The following UNC5C variants were observed in gnomAD, a reference collection of about 807,000 sequenced individuals.
The protein encoded by UNC5C is netrin receptor UNC5C.
UNC5C carries 47 observed loss-of-function variants against 99.8 expected under a neutral mutation model. The observed-to-expected ratio is 0.47, with a 90% CI of 0.37 to 0.60. The LOEUF is 0.60. UNC5C is among the 20% of genes least tolerant of loss of function. UNC5C has a pLI of 0.00. For missense variants in UNC5C, 1,062 were observed against 1,165.9 expected, an observed-to-expected ratio of 0.91 and a Z score of 1.30; for synonymous variants, 487 against 452.2, an observed-to-expected ratio of 1.08 and a Z score of -0.98.
intron 10 of UNC5C, among the ~76,000 whole-genome samples, chr4:95,210,303 CA>C (rs941429718): frequency 1.3e-5 from 2 of 152,090 alleles, no homozygotes; most frequent in Non-Finnish European, 2.9e-5. Context: ...GAATGAAAAA[CA>C]AAGAAGAAAT....
At position 95,169,102 on chromosome 4, in the gene UNC5C, C is replaced by T. The variant is rs528795764; in HGVS notation, c.*132G>A. 7 of 1,146,530 alleles carry T rather than the reference C, an allele frequency of 6.1e-6. No homozygotes were observed. In the South Asian group the frequency reaches 9.3e-5, roughly 15 times the overall value. 71.0% of individuals were successfully genotyped at this position (1,146,530 alleles called of 1,614,324 possible). Reference sequence around the variant, plus strand: ...ATGGGCAGTTGTATCTGTTTTCCTTCTGGCTCCTGCTGCAGTCTTGCCTGT... The same window carrying T: ...ATGGGCAGTTGTATCTGTTTTCCTTTTGGCTCCTGCTGCAGTCTTGCCTGT... On this transcript the variant is annotated 3_prime_UTR_variant, in exon 16 of 16. Transcript: ENST00000453304.
At chr4:95,349,386 C>CA (rs1743903231) in intron 1 of UNC5C, among the ~76,000 whole-genome samples, 1 of 124,336 alleles carries the variant, frequency 8.0e-6, no homozygotes. Flanking sequence ...ACACACACAC[C>CA]CACACACACA....
At chr4:95,177,365 A>C (rs1736407238) in intron 14 of UNC5C, among the ~76,000 whole-genome samples, 1 of 151,924 alleles carries the variant, frequency 6.6e-6, no homozygotes, top group Admixed American at 6.6e-5. Flanking sequence ...GTTCCTGCTG[A>C]GTGCTCAGCT....
chr4:95,461,304 G>GCTGATTAATAGAATT lies in UNC5C; in HGVS notation c.124+87429_124+87430insAATTCTATTAATCAG, dbSNP rs1553975792. Among the ~76,000 whole-genome samples the GCTGATTAATAGAATT allele has an allele frequency of 2.2e-4, 22 of 97,996 alleles. 2 individuals carry two copies. The highest frequency in any genetic ancestry group is 0.011 in the Middle Eastern group (2 of 178). The allele number at this position is 97,996 out of a possible 152,430, so 64.3% of individuals were successfully genotyped here. On this transcript the variant is annotated intron_variant, in intron 1 of 15. Transcript: ENST00000453304. ...ATGTGATACAGTCCTTTTCCAACATGAAGCACAAGGCAAGAGCAAGTTGAA... is the reference window on the plus strand; with the variant it reads ...ATGTGATACAGTCCTTTTCCAACATGCTGATTAATAGAATTAAGCACAAGGCAAGAGCAAGTTGAA...
intron 2 of UNC5C, among the ~76,000 whole-genome samples, chr4:95,320,914 A>C (rs1742664332): frequency 6.6e-6 from 1 of 152,228 alleles, no homozygotes. Context: ...CTAAGTGTTA[A>C]TTGGCAGGGG....
chr4:95,465,106 G>A (rs1038447649), intron 1 of UNC5C, among the ~76,000 whole-genome samples: 2 of 152,150 alleles, frequency 1.3e-5, no homozygotes, highest in African/African-American at 2.4e-5. Context: ...TCACTAAGGC[G>A]CATCGTTCCA....
intron 1 of UNC5C, among the ~76,000 whole-genome samples, chr4:95,407,381 G>A (rs1382652028): frequency 6.6e-6 from 1 of 151,968 alleles, no homozygotes; most frequent in Non-Finnish European, 1.5e-5. Context: ...CAAGCGGGAG[G>A]GTGTACAGTA....
intron 1 of UNC5C, among the ~76,000 whole-genome samples, chr4:95,377,699 T>C (rs967781850): frequency 6.6e-6 from 1 of 152,088 alleles, no homozygotes; most frequent in Non-Finnish European, 1.5e-5. Flanking sequence ...AAGAGGACTT[T>C]GTGAGGAGTG....
intron 1 of UNC5C, among the ~76,000 whole-genome samples, chr4:95,441,225 TTG>T (rs1469647609): frequency 6.6e-6 from 1 of 152,204 alleles, no homozygotes; most frequent in Non-Finnish European, 1.5e-5. Flanking sequence ...ACTTCTGCTT[TTG>T]TGTCATGTTT....
At chr4:95,321,710 A>G (rs1014152092) in intron 2 of UNC5C, among the ~76,000 whole-genome samples, 1 of 152,200 alleles carries the variant, frequency 6.6e-6, no homozygotes, top group Non-Finnish European at 1.5e-5. Context: ...GCATCTATTT[A>G]TTGCACAGAT....
At chr4:95,228,462 T>C (rs967938175) in intron 7 of UNC5C, among the ~76,000 whole-genome samples, 1 of 152,216 alleles carries the variant, frequency 6.6e-6, no homozygotes, top group Non-Finnish European at 1.5e-5. Flanking sequence ...AAGTCTATGT[T>C]CTCACAAACT....
chr4:95,409,138 C>T (rs1422812389), intron 1 of UNC5C, among the ~76,000 whole-genome samples: 1 of 152,204 alleles, frequency 6.6e-6, no homozygotes. Flanking sequence ...TTTGCAAGAA[C>T]TTTCCTATCT....
intron 1 of UNC5C, among the ~76,000 whole-genome samples, chr4:95,425,593 G>GCCAC (rs529162539): frequency 6.6e-6 from 1 of 152,334 alleles, no homozygotes; most frequent in East Asian, 1.9e-4. Flanking sequence ...ACAGGCGTGA[G>GCCAC]CCACCGCGCC....
intron 4 of UNC5C, among the ~76,000 whole-genome samples, chr4:95,271,258 C>T (rs1460727865): frequency 1.3e-5 from 2 of 150,654 alleles, no homozygotes; most frequent in African/African-American, 4.9e-5. Flanking sequence ...GACGGAGTCT[C>T]GCTCTGTCGC....
At chr4:95,179,702 G>T (rs530423458) in intron 14 of UNC5C, among the ~76,000 whole-genome samples, 228 of 146,490 alleles carry the variant, frequency 1.6e-3, no homozygotes, top group African/African-American at 5.5e-3. Flanking sequence ...AGCTGAAGTC[G>T]TGCCACTGCA....
intron 1 of UNC5C, among the ~76,000 whole-genome samples, chr4:95,529,032 T>G (rs938488796): frequency 3.4e-4 from 51 of 152,072 alleles, no homozygotes; most frequent in Non-Finnish European, 1.8e-4. Flanking sequence ...TTTTATTCAT[T>G]TTTTTCATAT....
chr4:95,311,661 T>A (rs567363855), intron 2 of UNC5C, among the ~76,000 whole-genome samples: 95 of 152,212 alleles, frequency 6.2e-4, no homozygotes, highest in Non-Finnish European at 1.1e-3. Flanking sequence ...ATTAGTCTTG[T>A]CCAGTCATTC....
intron 10 of UNC5C, among the ~76,000 whole-genome samples, chr4:95,213,717 T>A (rs773944368): frequency 6.6e-6 from 1 of 152,094 alleles, no homozygotes; most frequent in Non-Finnish European, 1.5e-5. Context: ...TGGAGAAAAA[T>A]GCTCAGAATT....
intron 1 of UNC5C, among the ~76,000 whole-genome samples, chr4:95,340,798 A>T (rs1743540989): frequency 6.6e-6 from 1 of 151,980 alleles, no homozygotes; most frequent in Non-Finnish European, 1.5e-5. Context: ...GCCTTCATGA[A>T]CTCTGACTTT....
Sources: allele counts gnomAD v4.1 joint callset (sites outside exome capture counted in the v4.1 genomes callset), GRCh38; gene constraint gnomAD v4.1.1; transcripts MANE v1.5; gene names NCBI Gene and HGNC (gene_info 2026-07-23, HGNC 2026-07-21).